The following RALYL variants were observed in gnomAD, a reference collection of about 807,000 sequenced individuals.
RALYL encodes RALY RNA binding protein like, also known as RNA-binding Raly-like protein.
A neutral mutation model predicts 35.1 loss-of-function variants in RALYL; 29 were observed. That is an observed-to-expected ratio of 0.83 (90% CI 0.61 to 1.13). The LOEUF (loss-of-function observed/expected upper bound fraction) is 1.13. Among genes scored for constraint, RALYL ranks in the 50% most tolerant of loss-of-function variants. RALYL has a pLI of 0.00. For missense variants in RALYL, 359 were observed against 360.4 expected (o/e 1.00, Z 0.03); for synonymous variants, 120 against 127.6 (o/e 0.94, Z 0.40).
intron 1 of RALYL, among the ~76,000 whole-genome samples, chr8:84,244,246 GGGTTT>G (rs1430474691): frequency 2.6e-5 from 4 of 151,986 alleles, no homozygotes; most frequent in Admixed American, 2.6e-4. Context: ...TTACCAAACT[GGGTTT>G]GACTCAAAGA....
intron 1 of RALYL, among the ~76,000 whole-genome samples, chr8:84,250,817 A>G (rs911147037): frequency 4.6e-5 from 7 of 152,144 alleles, no homozygotes; most frequent in Non-Finnish European, 4.4e-5. Flanking sequence ...AATAGGGTGT[A>G]ATGAATAAAA....
chr8:84,269,092 C>T (rs1833836648), intron 1 of RALYL, among the ~76,000 whole-genome samples: 1 of 152,088 alleles, frequency 6.6e-6, no homozygotes, highest in African/African-American at 2.4e-5. Context: ...TGCTTCTTTT[C>T]AGGTAATGAG....
chr8:84,769,523 AGCC>A (rs1814916208), intron 2 of RALYL, among the ~76,000 whole-genome samples: 2 of 152,088 alleles, frequency 1.3e-5, no homozygotes. Context: ...CACTGTGGGA[AGCC>A]GAGGCTGGAG....
At chr8:84,683,159 A>G (rs1042603492) in intron 2 of RALYL, among the ~76,000 whole-genome samples, 9 of 152,124 alleles carry the variant, frequency 5.9e-5, no homozygotes, top group African/African-American at 2.2e-4. Flanking sequence ...GTTTTGAGTG[A>G]GTTTCTTAAT....
At chr8:84,369,016 G>C (rs1006803835) in intron 1 of RALYL, among the ~76,000 whole-genome samples, 4 of 152,116 alleles carry the variant, frequency 2.6e-5, no homozygotes, top group Non-Finnish European at 4.4e-5. Context: ...ACTTTAAAAA[G>C]GTTTTAGGCT....
At chr8:84,632,661 G>A in intron 2 of RALYL, among the ~76,000 whole-genome samples, 1 of 151,400 alleles carries the variant, frequency 6.6e-6, no homozygotes, top group Non-Finnish European at 1.5e-5. Flanking sequence ...GTATATTCCA[G>A]TACAGTGGTG....
intron 1 of RALYL, among the ~76,000 whole-genome samples, chr8:84,328,624 A>C (rs530505831): frequency 6.6e-6 from 1 of 152,208 alleles, no homozygotes; most frequent in South Asian, 2.1e-4. Context: ...TTATAATTTC[A>C]ACTTTTAGAC....
chr8:84,297,380 A>G (rs1416888634), intron 1 of RALYL, among the ~76,000 whole-genome samples: 1 of 152,102 alleles, frequency 6.6e-6, no homozygotes, highest in African/African-American at 2.4e-5. Flanking sequence ...TGCAAAAGAC[A>G]TGATCTCATT....
At chr8:84,558,405 A>G (rs1397587995) in intron 2 of RALYL, among the ~76,000 whole-genome samples, 2 of 152,150 alleles carry the variant, frequency 1.3e-5, no homozygotes, top group Non-Finnish European at 2.9e-5. Context: ...CAAAACTGAC[A>G]GTTAAAAGAT....
intron 2 of RALYL, among the ~76,000 whole-genome samples, chr8:84,613,282 A>C (rs568849416): frequency 6.6e-6 from 1 of 151,692 alleles, no homozygotes; most frequent in South Asian, 2.1e-4. Flanking sequence ...TAAAGGAAAA[A>C]CATAAAATAT....
intron 1 of RALYL, among the ~76,000 whole-genome samples, chr8:84,318,540 G>A (rs1285624501): frequency 6.6e-6 from 1 of 152,070 alleles, no homozygotes; most frequent in Non-Finnish European, 1.5e-5. Flanking sequence ...ATTATCGTGT[G>A]ATGTTTTTTG....
intron 2 of RALYL, among the ~76,000 whole-genome samples, chr8:84,681,525 G>A (rs1273080642): frequency 6.6e-6 from 1 of 152,140 alleles, no homozygotes; most frequent in Non-Finnish European, 1.5e-5. Flanking sequence ...TTGTTGAGCA[G>A]TGGTTTGTAG....
intron 2 of RALYL, among the ~76,000 whole-genome samples, chr8:84,768,909 G>A (rs1056609235): frequency 1.3e-5 from 2 of 152,100 alleles, no homozygotes; most frequent in Non-Finnish European, 2.9e-5. Context: ...TTTCATGAAA[G>A]GTTTTTCATT....
chr8:84,390,090 A>T (rs994085590), intron 1 of RALYL, among the ~76,000 whole-genome samples: 42 of 151,494 alleles, frequency 2.8e-4, no homozygotes, highest in African/African-American at 1.0e-3. Flanking sequence ...TTTCTGCATC[A>T]ATTGAGATAA....
chr8:84,233,794 CTCTG>C (rs1446850439), intron 1 of RALYL, among the ~76,000 whole-genome samples: 1 of 152,160 alleles, frequency 6.6e-6, no homozygotes, highest in East Asian at 1.9e-4. Flanking sequence ...TCTTGTTTCC[CTCTG>C]TCTTTTTCCC....
intron 1 of RALYL, among the ~76,000 whole-genome samples, chr8:84,426,165 G>T (rs1040321282): frequency 6.6e-6 from 1 of 151,952 alleles, no homozygotes; most frequent in Non-Finnish European, 1.5e-5. Context: ...TAGTATAAAG[G>T]TTACTGCAGT....
In RALYL at chr8:84,311,584, T is replaced by C. The variant is rs148868771; in HGVS notation, c.-24+127160T>C. Among the ~76,000 whole-genome samples, 257 of 152,232 alleles carry C rather than the reference T, an allele frequency of 1.7e-3. 5 individuals carry two copies. The East Asian group carries it at 0.04, about 24-fold the overall frequency. On this transcript the variant is annotated intron_variant, in intron 1 of 8. Coordinates refer to ENST00000521268, the MANE Select transcript of RALYL (RefSeq NM_173848.7). ...ATGGACATGGAAGACTGAACTCTTA[T>C]CCTAAAGAGAATTGGTTACCTGTAA...
At chr8:84,246,905 A>G (rs189737725) in intron 1 of RALYL, among the ~76,000 whole-genome samples, 65 of 152,322 alleles carry the variant, frequency 4.3e-4, no homozygotes, top group African/African-American at 1.4e-3. Flanking sequence ...TCAAATGTCT[A>G]TGACCCTCAG....
rs75877453 is a variant in RALYL at position 84,906,855 on chromosome 8, C to T, written c.859-14039C>T. 4,389 of 627,604 alleles carry T rather than the reference C, an allele frequency of 7.0e-3. 151 individuals are homozygous for T. In the African/African-American group the frequency reaches 0.08, roughly 11 times the overall value. 38.9% of individuals were successfully genotyped at this position (627,604 alleles called of 1,614,324 possible). A position where few individuals can be genotyped will look rare whatever the true frequency, so the allele number is the denominator to read the frequency against. Reference sequence around the variant, plus strand: ...GTTCTCCCCTCATTAAGTCTCTCACCGGCACAACCATGCTGCACTATCAGC... The same window carrying T: ...GTTCTCCCCTCATTAAGTCTCTCACTGGCACAACCATGCTGCACTATCAGC... On this transcript the variant is annotated intron_variant, in intron 8 of 8. Coordinates refer to ENST00000521268, the MANE Select transcript of RALYL (RefSeq NM_173848.7).
Sources: allele counts gnomAD v4.1 joint callset (sites outside exome capture counted in the v4.1 genomes callset), GRCh38; gene constraint gnomAD v4.1.1; transcripts MANE v1.5; gene names NCBI Gene and HGNC (gene_info 2026-07-23, HGNC 2026-07-21).